IQCJ: variants seen among roughly 807,000 people sequenced by gnomAD.
IQCJ encodes IQ domain-containing protein J.
IQCJ carries 9 observed loss-of-function variants against 11.0 expected under a neutral mutation model. The observed-to-expected ratio is 0.82, with a 90% confidence interval of 0.49 to 1.43. IQCJ has a LOEUF of 1.43. Ranked by LOEUF, IQCJ falls within the 40% of genes most tolerant of loss-of-function variation. The pLI is 0.00. For synonymous variants in IQCJ, 55 were observed against 51.3 expected, an observed-to-expected ratio of 1.07 and a Z score of -0.31; for missense variants, 146 against 133.2, an observed-to-expected ratio of 1.10 and a Z score of -0.47.
intron 1 of IQCJ, among the ~76,000 whole-genome samples, chr3:159,112,250 A>T (rs1195504347): frequency 6.6e-6 from 1 of 152,174 alleles, no homozygotes; most frequent in Non-Finnish European, 1.5e-5. Context: ...AATTTGAGTC[A>T]AGAAACCCCA....
At chr3:159,071,040 A>G (rs949728748) in intron 1 of IQCJ, among the ~76,000 whole-genome samples, 2 of 152,046 alleles carry the variant, frequency 1.3e-5, no homozygotes, top group Non-Finnish European at 1.5e-5. Flanking sequence ...ATAAAAATGA[A>G]TATTATTAAG....
chr3:159,086,907 A>G (rs1716819259), intron 1 of IQCJ, among the ~76,000 whole-genome samples: 1 of 152,024 alleles, frequency 6.6e-6, no homozygotes, highest in Non-Finnish European at 1.5e-5. Flanking sequence ...AATACCCTTT[A>G]TTTCCTTCTC....
At chr3:159,226,583 T>A (rs143025383) in intron 1 of IQCJ, among the ~76,000 whole-genome samples, 4 of 152,342 alleles carry the variant, frequency 2.6e-5, no homozygotes, top group African/African-American at 7.2e-5. Flanking sequence ...AAAAGGTGTG[T>A]GGGACCATCC....
rs758467568 is a variant in IQCJ at position 159,262,592 on chromosome 3, T to C, written c.200T>C (p.Leu67Pro). ...WREYLQRQEP[L>P]GKRSPSPPSV... is the part of the protein sequence containing the mutation. Reference sequence around the variant, plus strand: ...GAGTACCTGCAGCGGCAGGAGCCCCTGGGGAAGAGGAGCCCGTCCCCACCC... The same window carrying C: ...GAGTACCTGCAGCGGCAGGAGCCCCCGGGGAAGAGGAGCCCGTCCCCACCC... Residue 67 changes from leucine (L) to proline (P), a missense_variant, in exon 4 of 4, where the codon CTG becomes CCG. Leu to Pro is a moderately conservative substitution (Grantham distance 98). Transcript: ENST00000397832. 3.7e-6 allele frequency: 6 copies of C among 1,613,838 alleles called. No homozygotes were observed. Among genetic ancestry groups the C allele is most frequent in the Non-Finnish European group, 1.7e-6 (2 of 1,179,850 alleles).
intron 1 of IQCJ, among the ~76,000 whole-genome samples, chr3:159,106,200 A>G (rs1453869827): frequency 6.6e-6 from 1 of 152,222 alleles, no homozygotes; most frequent in African/African-American, 2.4e-5. Context: ...GCAGGTTTCA[A>G]GTGGAAGGCT....
chr3:159,247,613 G>C (rs763491169), intron 2 of IQCJ, among the ~76,000 whole-genome samples: 1 of 152,164 alleles, frequency 6.6e-6, no homozygotes, highest in Non-Finnish European at 1.5e-5. Flanking sequence ...CTTGGGCATG[G>C]GGCAAGAACC....
intron 1 of IQCJ, among the ~76,000 whole-genome samples, chr3:159,188,507 T>C: frequency 6.6e-6 from 1 of 152,226 alleles, no homozygotes; most frequent in Admixed American, 6.5e-5. Flanking sequence ...TAAGAGCACA[T>C]AGAGTTCCCA....
chr3:159,109,498 G>A (rs1718478076), intron 1 of IQCJ, among the ~76,000 whole-genome samples: 1 of 143,776 alleles, frequency 7.0e-6, no homozygotes, highest in East Asian at 2.1e-4. Context: ...AAGCACATAA[G>A]GCTGTAGAGT....
intron 1 of IQCJ, among the ~76,000 whole-genome samples, chr3:159,081,498 T>C (rs1464207258): frequency 6.6e-6 from 1 of 152,120 alleles, no homozygotes; most frequent in South Asian, 2.1e-4. Flanking sequence ...TAGTTAATTG[T>C]GTATATATTC....
At chr3:159,075,749 G>A (rs1006583532) in intron 1 of IQCJ, among the ~76,000 whole-genome samples, 3 of 152,128 alleles carry the variant, frequency 2.0e-5, no homozygotes, top group African/African-American at 7.2e-5. Flanking sequence ...TATGGACGAT[G>A]TTTAATCTTC....
intron 2 of IQCJ, among the ~76,000 whole-genome samples, chr3:159,251,325 G>C (rs1727585748): frequency 6.6e-6 from 1 of 151,170 alleles, no homozygotes; most frequent in Non-Finnish European, 1.5e-5. Flanking sequence ...TGGACTATTT[G>C]AATAGCTTTC....
chr3:159,241,709 A>T (rs1197118122), intron 1 of IQCJ, among the ~76,000 whole-genome samples: 1 of 152,216 alleles, frequency 6.6e-6, no homozygotes, highest in Non-Finnish European at 1.5e-5. Flanking sequence ...ATCCTAAGGT[A>T]AAGTTTAAAT....
At position 159,151,201 on chromosome 3, in the gene IQCJ, G is replaced by C. The variant is rs9683120; in HGVS notation, c.9+81760G>C. On this transcript the variant is annotated intron_variant, in intron 1 of 3. Transcript: ENST00000397832. ...TCCCAACTCCAAGGCAATGGGTAGA[G>C]AGCCATTTCCTGGAAACAATAATCT... Among the ~76,000 whole-genome samples the C allele has an allele frequency of 6.4e-3, 973 of 152,334 alleles. 12 individuals carry two copies. The highest frequency in any genetic ancestry group is 0.022 in the African/African-American group (928 of 41,586).
chr3:159,162,440 G>A (rs1425357001), intron 1 of IQCJ, among the ~76,000 whole-genome samples: 173 of 152,168 alleles, frequency 1.1e-3, no homozygotes, highest in Non-Finnish European at 1.4e-3. Flanking sequence ...GGCTGAGACA[G>A]TGGGGTTTTC....
chr3:159,219,502 C>T (rs1351153424), intron 1 of IQCJ, among the ~76,000 whole-genome samples: 2 of 152,092 alleles, frequency 1.3e-5, no homozygotes, highest in African/African-American at 4.8e-5. Context: ...CCTCTTGACA[C>T]TCAGGAGAAA....
At chr3:159,156,017 TATAAC>T (rs1327147026) in intron 1 of IQCJ, among the ~76,000 whole-genome samples, 1 of 152,226 alleles carries the variant, frequency 6.6e-6, no homozygotes, top group Non-Finnish European at 1.5e-5. Flanking sequence ...GAACTGTAGT[TATAAC>T]ATATATACCT....
At chr3:159,264,952 A>G (rs79143582), downstream of IQCJ, among the ~76,000 whole-genome samples, 1,150 of 152,260 alleles carry the variant, frequency 7.6e-3, 11 homozygotes, top group African/African-American at 0.026. Flanking sequence ...TTCAAAAAGA[A>G]TTAGCTGTCA....
At chr3:159,223,817 CA>C (rs771482946) in intron 1 of IQCJ, among the ~76,000 whole-genome samples, 6 of 152,040 alleles carry the variant, frequency 3.9e-5, no homozygotes, top group Non-Finnish European at 8.8e-5. Flanking sequence ...GATGAGTGGA[CA>C]AAGTCATTTA....
chr3:159,091,684 A>G (rs199976593), intron 1 of IQCJ, among the ~76,000 whole-genome samples: 23,577 of 125,676 alleles, frequency 0.19, 2,202 homozygotes, highest in East Asian at 0.41. Context: ...GCACACACAC[A>G]CACACACACA....
Sources: gnomAD v4.1 joint callset for allele counts (sites outside exome capture counted in the v4.1 genomes callset) on GRCh38, gnomAD v4.1.1 for gene constraint, MANE v1.5 for transcripts, NCBI Gene and HGNC (gene_info 2026-07-23, HGNC 2026-07-21) for gene names.